Variants in MICOS10 observed in about 807,000 individuals in gnomAD.
The protein encoded by MICOS10 is mitochondrial contact site and cristae organizing system subunit 10, also known as MICOS complex subunit MIC10.
Under a neutral mutation model 13.4 loss-of-function variants are expected in MICOS10, and 5 were observed. The ratio of observed to expected loss-of-function variants is 0.37; its 90% CI spans 0.20 to 0.78. MICOS10 has a LOEUF of 0.78. Among genes scored for constraint, MICOS10 ranks in the 30% least tolerant of loss-of-function variants. The pLI is 0.47. For synonymous variants in MICOS10, 35 were observed against 33.6 expected (o/e 1.04, Z -0.15); for missense variants, 101 against 94.6 (o/e 1.07, Z -0.28).
In MICOS10 at chr1:19,629,745, G is replaced by C. The variant is rs1312398491; in HGVS notation, c.*3344G>C. The C allele has an allele frequency of 6.6e-6, 1 of 151,924 alleles. No individual in the cohort carries two copies. The highest frequency in any genetic ancestry group is 1.5e-5 in the Non-Finnish European group (1 of 68,030). 9.4% of individuals were successfully genotyped at this position (151,924 alleles called of 1,614,324 possible). ...AACCCATAATTGCATTTTACTTGTC[G>C]TGGTTCGATCTGATTGTATTGTCGA... is the stretch of plus-strand genomic sequence containing the variant. On this transcript the variant is annotated 3_prime_UTR_variant, in exon 4 of 4. Coordinates refer to ENST00000322753, the MANE Select transcript of MICOS10 (RefSeq NM_001032363.4).
chr1:19,623,729 A>G (rs991531178), intron 3 of MICOS10, 146 bp downstream of exon 3: 1 of 607,930 alleles, frequency 1.6e-6, no homozygotes, highest in Admixed American at 2.9e-5. Context: ...TTTGGCCTTC[A>G]GTGATGTCAT....
In MICOS10 at chr1:19,619,693, G is replaced by A. The variant is rs544713500; in HGVS notation, c.65-2407G>A. On this transcript the variant is annotated intron_variant, in intron 1 of 3. Coordinates refer to ENST00000322753, the MANE Select transcript of MICOS10 (RefSeq NM_001032363.4). ...GAATTGCTCCTTCTTAGAAATGTGTGTTTATCTACTAGCCGGTTTTATGAT... is the reference window on the plus strand; with the variant it reads ...GAATTGCTCCTTCTTAGAAATGTGTATTTATCTACTAGCCGGTTTTATGAT... Among the ~76,000 whole-genome samples the A allele has an allele frequency of 3.2e-4, 49 of 152,322 alleles. No individual in the cohort carries two copies. The South Asian group carries it at 9.3e-3, about 29-fold the overall frequency.
At chr1:19,597,156 G>A (rs779766416) in intron 1 of MICOS10, 47 bp downstream of exon 1, 2 of 1,564,096 alleles carry the variant, frequency 1.3e-6, no homozygotes, top group Non-Finnish European at 8.7e-7. Context: ...CAGAGCTGCT[G>A]GCTCCAGGCT....
rs768155231 is a variant in MICOS10, at chr1:19,622,088, C to T, written c.65-12C>T. 9.3e-6 allele frequency: 15 copies of T among 1,605,322 alleles called. 1 individual carries two copies. The South Asian group carries it at 1.4e-4, about 15-fold the overall frequency. ...CTATGAGATTTAGCATGTTTTTTCT[C>T]CCTCTTTGTAGGTACTGGTTTTGGA... On this transcript the variant is annotated splice_polypyrimidine_tract_variant and intron_variant, in intron 1 of 3. Transcript: ENST00000322753.
intron 1 of MICOS10, among the ~76,000 whole-genome samples, chr1:19,620,463 TA>T (rs1351981067): frequency 7.2e-5 from 11 of 152,264 alleles, no homozygotes; most frequent in Non-Finnish European, 1.6e-4. Flanking sequence ...TTTTCTGAAT[TA>T]TTTTTTTTCC....
chr1:19,624,332 G>A (rs1475798144), intron 3 of MICOS10, among the ~76,000 whole-genome samples: 1 of 151,700 alleles, frequency 6.6e-6, no homozygotes, highest in African/African-American at 2.4e-5. Flanking sequence ...TGCCACCAAG[G>A]TGGGAGTGCA....
intron 1 of MICOS10, among the ~76,000 whole-genome samples, chr1:19,602,423 C>T (rs1026889613): frequency 2.0e-5 from 3 of 152,126 alleles, no homozygotes; most frequent in Non-Finnish European, 4.4e-5. Flanking sequence ...AATTAACTGT[C>T]AGTAGATCTT....
At chr1:19,625,434 G>C in intron 3 of MICOS10, 1 of 1,289,418 alleles carries the variant, frequency 7.8e-7, no homozygotes, top group Non-Finnish European at 1.0e-6. Flanking sequence ...GCCCATGTCT[G>C]CTGGAGAGAT....
At position 19,596,982 on chromosome 1, in the gene MICOS10, AG is replaced by A; in HGVS notation, c.-63del. 3 of 1,513,856 alleles carry A rather than the reference AG, an allele frequency of 2.0e-6. No individual in the cohort carries two copies. The highest frequency in any genetic ancestry group is 2.7e-6 in the Non-Finnish European group (3 of 1,124,404). 93.8% of individuals were successfully genotyped at this position (1,513,856 alleles called of 1,614,324 possible). On this transcript the variant is annotated 5_prime_UTR_variant, in exon 1 of 4. Transcript: ENST00000322753. ...CTGGGACTTGTTTCCAGCTCTCGCG[AG>A]ACTTTCAGGGGTCGGAGCGCGGGGG...
At chr1:19,610,047 C>G (rs907008353) in intron 1 of MICOS10, among the ~76,000 whole-genome samples, 2 of 152,102 alleles carry the variant, frequency 1.3e-5, no homozygotes, top group Admixed American at 1.3e-4. Flanking sequence ...GAGGGTGAGG[C>G]AGGAGAATCT....
chr1:19,598,012 T>G (rs2094799370), intron 1 of MICOS10: 1 of 152,196 alleles, frequency 6.6e-6, no homozygotes, highest in Non-Finnish European at 1.5e-5. Context: ...TAAGAGGATT[T>G]AGGATTGTGT....
intron 1 of MICOS10, among the ~76,000 whole-genome samples, chr1:19,601,577 AAAAAAAAAAAAAAAG>A (rs1266243234): frequency 1.0e-5 from 1 of 98,508 alleles, no homozygotes; most frequent in Non-Finnish European, 2.3e-5. Flanking sequence ...ACCCTTTCTC[AAAAAAAAAAAAAAAG>A]AAAAGAAAAA....
intron 1 of MICOS10, among the ~76,000 whole-genome samples, chr1:19,612,592 A>G (rs565876362): frequency 6.6e-6 from 1 of 152,038 alleles, no homozygotes; most frequent in South Asian, 2.1e-4. Context: ...GTGTGGGGGT[A>G]TGTGCCTGTA....
At chr1:19,600,897 G>C in intron 1 of MICOS10, 3 of 1,289,368 alleles carry the variant, frequency 2.3e-6, no homozygotes, top group Non-Finnish European at 3.0e-6. Flanking sequence ...CACCACACCT[G>C]GTCCATCTTG....
intron 1 of MICOS10, chr1:19,600,789 A>T (rs939653017): frequency 2.9e-6 from 2 of 696,858 alleles, no homozygotes; most frequent in Non-Finnish European, 4.4e-6. Context: ...TTTTGTAGAG[A>T]TGGGGTTTCA....
intron 3 of MICOS10, chr1:19,625,538 C>A: frequency 1.6e-6 from 2 of 1,289,460 alleles, no homozygotes; most frequent in Non-Finnish European, 2.0e-6. Context: ...CTGAAGCCGG[C>A]AGCCGGCCTT....
chr1:19,624,480 G>T (rs1351652056), intron 3 of MICOS10, among the ~76,000 whole-genome samples: 1 of 152,098 alleles, frequency 6.6e-6, no homozygotes, highest in Non-Finnish European at 1.5e-5. Context: ...TAGAGGTGGG[G>T]TTTCACCATG....
At chr1:19,616,065 C>T (rs931870820) in intron 1 of MICOS10, among the ~76,000 whole-genome samples, 4 of 152,018 alleles carry the variant, frequency 2.6e-5, no homozygotes, top group South Asian at 2.1e-4. Context: ...ACTACAGGCG[C>T]GTGCCACCGC....
chr1:19,601,231 T>C, intron 1 of MICOS10: 1 of 343,600 alleles, frequency 2.9e-6, no homozygotes, highest in Non-Finnish European at 5.7e-6. Context: ...GATTTTGTCC[T>C]GTAGGAAGAG....
Sources: allele counts gnomAD v4.1 joint callset (sites outside exome capture counted in the v4.1 genomes callset), GRCh38; gene constraint gnomAD v4.1.1; transcripts MANE v1.5; gene names NCBI Gene and HGNC (gene_info 2026-07-23, HGNC 2026-07-21).